DOCK7: variants seen among roughly 807,000 people sequenced by gnomAD.
The protein encoded by DOCK7 is dedicator of cytokinesis 7, also known as dedicator of cytokinesis protein 7.
Under a neutral mutation model 271.0 loss-of-function variants are expected in DOCK7, and 138 were observed. The observed-to-expected ratio is 0.51, with a 90% CI of 0.44 to 0.59. The LOEUF is 0.59. Ranked by LOEUF, DOCK7 falls within the 20% of genes least tolerant of loss-of-function variation. The pLI, the probability that DOCK7 is intolerant of heterozygous loss-of-function variation, is 0.00. For synonymous variants in DOCK7, 823 were observed against 876.1 expected (o/e 0.94, Z 1.07); for missense variants, 2,066 against 2,592.4 (o/e 0.80, Z 4.41).
intron 7 of DOCK7, among the ~76,000 whole-genome samples, chr1:62,639,317 CA>C (rs1242171130): frequency 5.3e-5 from 8 of 151,420 alleles, no homozygotes; most frequent in African/African-American, 1.9e-4. Flanking sequence ...CGCTTGAGGC[CA>C]GGAGTTCAAG....
chr1:62,627,088 C>T (rs1219013975), intron 11 of DOCK7, among the ~76,000 whole-genome samples: 1 of 152,058 alleles, frequency 6.6e-6, no homozygotes, highest in Non-Finnish European at 1.5e-5. Flanking sequence ...ATTTAACATC[C>T]AAAAACCACA....
intron 48 of DOCK7, among the ~76,000 whole-genome samples, chr1:62,462,178 T>C (rs576664427): frequency 6.6e-6 from 1 of 152,184 alleles, no homozygotes; most frequent in South Asian, 2.1e-4. Context: ...TAAGAAAACA[T>C]TTAAAAGACC....
intron 41 of DOCK7, among the ~76,000 whole-genome samples, chr1:62,491,850 AAC>A (rs1646475922): frequency 6.6e-6 from 1 of 152,222 alleles, no homozygotes; most frequent in African/African-American, 2.4e-5. Context: ...GTTTGGCAGT[AAC>A]AGTTTTATTA....
intron 14 of DOCK7, among the ~76,000 whole-genome samples, chr1:62,590,511 T>C (rs1246642118): frequency 6.6e-6 from 1 of 152,134 alleles, no homozygotes; most frequent in Non-Finnish European, 1.5e-5. Context: ...GTGTGATAGG[T>C]ACTGAGAATA....
At chr1:62,573,094 T>C (rs1227779636) in intron 18 of DOCK7, among the ~76,000 whole-genome samples, 1 of 152,172 alleles carries the variant, frequency 6.6e-6, no homozygotes, top group Non-Finnish European at 1.5e-5. Context: ...TGTGTATCAG[T>C]AGCATGGAGG....
rs766681247 is a variant in DOCK7, at chr1:62,597,927, A to C, written c.1683-11303T>G. The C allele has an allele frequency of 6.4e-6, 10 of 1,550,670 alleles. No individual in the cohort carries two copies. In the East Asian group the frequency reaches 1.8e-4, roughly 28 times the overall value. On this transcript the variant is annotated intron_variant, in intron 14 of 49. Coordinates refer to ENST00000635253, the MANE Select transcript of DOCK7 (RefSeq NM_001367561.1). Reference sequence around the variant, plus strand: ...GGTAAAGAATATGTCACTTGAACTCAACTCAAAACTTGAAAGCCTCCTAGA... The same window carrying C: ...GGTAAAGAATATGTCACTTGAACTCCACTCAAAACTTGAAAGCCTCCTAGA...
intron 1 of DOCK7, among the ~76,000 whole-genome samples, chr1:62,678,317 G>GACA (rs2149765099): frequency 6.6e-6 from 1 of 152,212 alleles, no homozygotes; most frequent in East Asian, 1.9e-4. Flanking sequence ...ATGATTTCCA[G>GACA]ATCATATGGT....
intron 41 of DOCK7, among the ~76,000 whole-genome samples, chr1:62,491,904 C>A (rs908401107): frequency 6.6e-6 from 1 of 152,090 alleles, no homozygotes; most frequent in East Asian, 1.9e-4. Flanking sequence ...GGTTAATAAA[C>A]AAGCAAACGA....
Position 62,495,692 on chromosome 1 carries a change from G to T in DOCK7, c.4924-11C>A. On this transcript the variant is annotated splice_polypyrimidine_tract_variant and intron_variant, in intron 38 of 49. Coordinates refer to ENST00000635253, the MANE Select transcript of DOCK7 (RefSeq NM_001367561.1). The stretch of plus-strand genomic sequence containing the variant: ...AACCAGATCCTGGACCTGCAGCAGA[G>T]AATTATATGAAAAACATTCTTGAAT... The T allele has an allele frequency of 6.4e-7, 1 of 1,561,212 alleles. No homozygotes were observed.
chr1:62,610,092 G>A (rs929044968), intron 14 of DOCK7, among the ~76,000 whole-genome samples: 4 of 152,074 alleles, frequency 2.6e-5, no homozygotes, highest in African/African-American at 4.8e-5. Flanking sequence ...CTCGTGATCC[G>A]CCTTCCTCGG....
Position 62,475,339 on chromosome 1 carries a change from G to A in DOCK7, c.5974C>T (p.Pro1992Ser). The A allele has an allele frequency of 6.2e-7, 1 of 1,613,768 alleles. No individual in the cohort carries two copies. The highest frequency in any genetic ancestry group is 8.5e-7 in the Non-Finnish European group (1 of 1,179,878). ...VTHKEEIILT[P>S]IEVAIEDMQK... is the part of the protein sequence containing the mutation. ...ATGTCCTCAATAGCAACTTCAATTG[G>A]TGTTAAGATGATCTGAGTAAAAGAG... Residue 1992 changes from proline (P) to serine (S), a missense_variant, in exon 47 of 50, where the codon CCA becomes TCA. Pro to Ser is a moderately conservative substitution (Grantham distance 74, BLOSUM62 -1). Coordinates refer to ENST00000635253, the MANE Select transcript of DOCK7 (RefSeq NM_001367561.1).
intron 18 of DOCK7, among the ~76,000 whole-genome samples, chr1:62,569,214 ACTC>A (rs1413857215): frequency 6.6e-6 from 1 of 151,892 alleles, no homozygotes; most frequent in East Asian, 1.9e-4. Flanking sequence ...ACTGCAAAGG[ACTC>A]CTCCCTAACT....
chr1:62,505,760 T>C lies in DOCK7; in HGVS notation c.4533A>G (p.Leu1511=), dbSNP rs753098673. The C allele has an allele frequency of 1.2e-6, 2 of 1,613,610 alleles. No homozygotes were observed. Among genetic ancestry groups the C allele is most frequent in the Admixed American group, 1.7e-5 (1 of 59,960 alleles). The change falls in exon 36 of 50, where the codon CTA becomes CTG. Residue 1511 remains leucine (L), a synonymous_variant. Transcript: ENST00000635253. The part of the protein sequence containing the change: ...ESILGGVLKV[L]LHSMACNQSA... ...TTTGGTTACAGGCCATGCTGTGTAG[T>C]AGCACTTTTAGCACTCCACCAAGAA... is the stretch of plus-strand genomic sequence containing the variant.
At chr1:62,678,937 T>A (rs1467352074) in intron 1 of DOCK7, among the ~76,000 whole-genome samples, 1 of 152,160 alleles carries the variant, frequency 6.6e-6, no homozygotes, top group South Asian at 2.1e-4. Flanking sequence ...ACATGATAGA[T>A]ACCCCATTTA....
At chr1:62,461,677 T>TAAATAAAATAAAATAAAATAAAATA (rs71045843) in intron 48 of DOCK7, among the ~76,000 whole-genome samples, 4 of 134,974 alleles carry the variant, frequency 3.0e-5, no homozygotes, top group East Asian at 2.2e-4. Flanking sequence ...TCTCAAAAAA[T>TAAATAAAATAAAATAAAATAAAATA]AAATAAAATA....
At chr1:62,587,147 T>C (rs1233944008) in intron 14 of DOCK7, among the ~76,000 whole-genome samples, 1 of 151,994 alleles carries the variant, frequency 6.6e-6, no homozygotes, top group Non-Finnish European at 1.5e-5. Flanking sequence ...ATGGATATAA[T>C]AGAGTTAGGT....
chr1:62,462,930 T>TC (rs1266887125), intron 48 of DOCK7, among the ~76,000 whole-genome samples: 12 of 151,024 alleles, frequency 7.9e-5, no homozygotes, highest in African/African-American at 2.9e-4. Flanking sequence ...TTTTTTTTTT[T>TC]TTTTGCCTCC....
intron 1 of DOCK7, among the ~76,000 whole-genome samples, chr1:62,678,773 G>C (rs1660801733): frequency 6.6e-6 from 1 of 151,846 alleles, no homozygotes; most frequent in Non-Finnish European, 1.5e-5. Flanking sequence ...TTTATAATTT[G>C]TAAAAAAAAT....
intron 31 of DOCK7, among the ~76,000 whole-genome samples, chr1:62,521,907 C>T (rs1235018483): frequency 6.6e-6 from 1 of 151,928 alleles, no homozygotes; most frequent in Non-Finnish European, 1.5e-5. Flanking sequence ...AGCCAGGAGG[C>T]GGAGGTTGCA....
Sources: gnomAD v4.1 joint callset for allele counts (sites outside exome capture counted in the v4.1 genomes callset) on GRCh38, gnomAD v4.1.1 for gene constraint, MANE v1.5 for transcripts, NCBI Gene and HGNC (gene_info 2026-07-23, HGNC 2026-07-21) for gene names.